Variants in HMCN1 observed in about 807,000 individuals in gnomAD.
HMCN1 encodes the protein hemicentin 1.
Under a neutral mutation model 625.9 loss-of-function variants are expected in HMCN1, and 321 were observed. The observed-to-expected ratio is 0.51, with a 90% CI of 0.47 to 0.56. The LOEUF is 0.56. Ranked by LOEUF, HMCN1 falls within the 20% of genes least tolerant of loss-of-function variation. The pLI, the probability that HMCN1 is intolerant of heterozygous loss-of-function variation, is 0.00. For synonymous variants in HMCN1, 2,425 were observed against 2,417.6 expected, an observed-to-expected ratio of 1.00 and a Z score of -0.09; for missense variants, 6,588 against 6,887.3, an observed-to-expected ratio of 0.96 and a Z score of 1.54.
intron 4 of HMCN1, among the ~76,000 whole-genome samples, chr1:185,906,413 T>G (rs980444866): frequency 2.0e-5 from 3 of 151,854 alleles, no homozygotes; most frequent in East Asian, 1.9e-4. Flanking sequence ...GGAAGCAGTA[T>G]TAAGAGTAAA....
intron 36 of HMCN1, among the ~76,000 whole-genome samples, chr1:186,028,078 A>C (rs184276553): frequency 6.6e-6 from 1 of 152,168 alleles, no homozygotes; most frequent in Non-Finnish European, 1.5e-5. Context: ...GAGAATATTA[A>C]CTCACAAAAA....
At chr1:185,889,081 G>A (rs1400845593) in intron 4 of HMCN1, among the ~76,000 whole-genome samples, 1 of 140,478 alleles carries the variant, frequency 7.1e-6, no homozygotes, top group Admixed American at 6.9e-5. Context: ...ATTGTGAATG[G>A]GAGTTCACTC....
At chr1:186,078,771 G>A (rs1413343911) in intron 55 of HMCN1, among the ~76,000 whole-genome samples, 1 of 152,174 alleles carries the variant, frequency 6.6e-6, no homozygotes, top group African/African-American at 2.4e-5. Context: ...GACAGCAAGA[G>A]GTTGCAATGT....
At position 186,144,307 on chromosome 1, in the gene HMCN1, A is replaced by C. The variant is rs1462365439; in HGVS notation, c.14059A>C (p.Thr4687Pro). Reference protein sequence around the residue: ...FGGSYCDGAETQMQVCNERNC... With the variant: ...FGGSYCDGAEPQMQVCNERNC... Reference sequence around the variant, plus strand: ...TGGGTCCTACTGTGATGGAGCAGAAACACAGATGCAAGTTTGCAATGAAAG... The same window carrying C: ...TGGGTCCTACTGTGATGGAGCAGAACCACAGATGCAAGTTTGCAATGAAAG... Residue 4687 changes from threonine (T) to proline (P), a missense_variant, in exon 90 of 107, where the codon ACA becomes CCA. Physicochemically the swap from Thr to Pro is conservative, Grantham distance 38. Coordinates refer to ENST00000271588, the MANE Select transcript of HMCN1 (RefSeq NM_031935.3). 1.2e-6 allele frequency: 2 copies of C among 1,614,004 alleles called. No individual in the cohort carries two copies. The highest frequency in any genetic ancestry group is 2.7e-5 in the African/African-American group (2 of 75,040).
At chr1:185,782,058 A>G (rs1657161582) in intron 1 of HMCN1, among the ~76,000 whole-genome samples, 1 of 152,170 alleles carries the variant, frequency 6.6e-6, no homozygotes, top group Non-Finnish European at 1.5e-5. Flanking sequence ...TATTTAGGAT[A>G]GTTAGCTCTT....
chr1:185,937,952 C>A (rs1290386205), intron 11 of HMCN1, among the ~76,000 whole-genome samples: 1 of 148,686 alleles, frequency 6.7e-6, no homozygotes, highest in East Asian at 2.0e-4. Flanking sequence ...TGGAAGAAGT[C>A]AGAAAAGATT....
At chr1:186,152,927 G>C (rs1211770985) in intron 96 of HMCN1, 56 bp downstream of exon 96, 7 of 1,605,560 alleles carry the variant, frequency 4.4e-6, no homozygotes, top group Middle Eastern at 1.7e-4. Context: ...ATGAGTGAAA[G>C]GTCCATAGAA....
Position 186,174,507 on chromosome 1 carries a change from T to C in HMCN1, c.15815-7T>C. ...AATGTTACTTCTCATTGCCTCCATG[T>C]CTGTAGATATTGATGAATGTAAAGA... On this transcript the variant is annotated splice_region_variant and splice_polypyrimidine_tract_variant and intron_variant, in intron 102 of 106. Coordinates refer to ENST00000271588, the MANE Select transcript of HMCN1 (RefSeq NM_031935.3). 2 of 1,613,726 alleles carry C rather than the reference T, an allele frequency of 1.2e-6. No individual in the cohort carries two copies. The highest frequency in any genetic ancestry group is 1.7e-6 in the Non-Finnish European group (2 of 1,179,706).
chr1:186,166,376 A>T (rs1651881528), intron 99 of HMCN1, 73 bp downstream of exon 99: 1 of 1,569,922 alleles, frequency 6.4e-7, no homozygotes, highest in African/African-American at 1.4e-5. Flanking sequence ...AGTATGATAG[A>T]CCCATTATCT....
chr1:186,126,320 G>A (rs946255476), intron 82 of HMCN1, among the ~76,000 whole-genome samples: 2 of 151,944 alleles, frequency 1.3e-5, no homozygotes, highest in Non-Finnish European at 2.9e-5. Flanking sequence ...CACCTTCTCT[G>A]CAACTAGCAC....
intron 1 of HMCN1, among the ~76,000 whole-genome samples, chr1:185,739,019 C>T (rs190587125): frequency 1.1e-3 from 168 of 151,458 alleles, no homozygotes; most frequent in African/African-American, 3.9e-3. Flanking sequence ...TCATCCTCCC[C>T]CTATCCTCTA....
At chr1:185,773,668 A>G (rs184851104) in intron 1 of HMCN1, among the ~76,000 whole-genome samples, 1 of 152,180 alleles carries the variant, frequency 6.6e-6, no homozygotes, top group African/African-American at 2.4e-5. Flanking sequence ...CTATGATAGA[A>G]TGAGTAGAGT....
intron 86 of HMCN1, among the ~76,000 whole-genome samples, chr1:186,135,361 G>A (rs1649531011): frequency 6.6e-6 from 1 of 151,988 alleles, no homozygotes; most frequent in Non-Finnish European, 1.5e-5. Context: ...CTTGTCTTCT[G>A]TCCATCTCTT....
At chr1:186,059,085 A>G (rs928140319) in intron 46 of HMCN1, among the ~76,000 whole-genome samples, 1 of 151,996 alleles carries the variant, frequency 6.6e-6, no homozygotes, top group Non-Finnish European at 1.5e-5. Flanking sequence ...ACTTGCTTCT[A>G]TGGTAAGCAT....
chr1:186,128,095 C>G lies in HMCN1; in HGVS notation c.12708C>G (p.Phe4236Leu). ...AATTTTAGCTGGAGGATTCTGGCTTCTATACCTGTGTTGCTAACAATGCTG... is the reference window on the plus strand; with the variant it reads ...AATTTTAGCTGGAGGATTCTGGCTTGTATACCTGTGTTGCTAACAATGCTG... ...LENVVLEDSG[F>L]YTCVANNAAG... is the part of the protein sequence containing the mutation. The change falls in exon 83 of 107, where the codon TTC becomes TTG. Residue 4236 changes from phenylalanine to leucine, a missense_variant. Transcript: ENST00000271588. The G allele has an allele frequency of 6.2e-7, 1 of 1,613,436 alleles. No individual in the cohort carries two copies. The highest frequency in any genetic ancestry group is 8.5e-7 in the Non-Finnish European group (1 of 1,179,606).
At chr1:185,909,272 A>G in intron 4 of HMCN1, 65 bp from the exon 5 acceptor site, 2 of 1,293,604 alleles carry the variant, frequency 1.5e-6, no homozygotes, top group Admixed American at 3.4e-5. Context: ...AGGACCTGAA[A>G]CAGCAATGAT....
At chr1:186,107,948 T>C (rs184960401) in intron 70 of HMCN1, among the ~76,000 whole-genome samples, 145 of 149,054 alleles carry the variant, frequency 9.7e-4, no homozygotes, top group Middle Eastern at 3.6e-3. Context: ...TTCATTCTCA[T>C]AGCCTAAATG....
chr1:185,850,086 A>C (rs1353117275), intron 2 of HMCN1, among the ~76,000 whole-genome samples: 1 of 152,196 alleles, frequency 6.6e-6, no homozygotes, highest in African/African-American at 2.4e-5. Context: ...TCCTGAGGAC[A>C]AGAGCCCTGT....
At chr1:185,815,245 T>G (rs1036339583) in intron 1 of HMCN1, among the ~76,000 whole-genome samples, 8 of 150,220 alleles carry the variant, frequency 5.3e-5, no homozygotes, top group African/African-American at 2.0e-4. Context: ...ACACAGACTG[T>G]GAGGGGTGAA....
Sources: gnomAD v4.1 joint callset for allele counts (sites outside exome capture counted in the v4.1 genomes callset) on GRCh38, gnomAD v4.1.1 for gene constraint, MANE v1.5 for transcripts, NCBI Gene and HGNC (gene_info 2026-07-23, HGNC 2026-07-21) for gene names.